The following NRP1 variants were observed in gnomAD, a reference collection of about 807,000 sequenced individuals.
NRP1 encodes neuropilin 1, also known as neuropilin-1.
NRP1 carries 35 observed loss-of-function variants against 106.7 expected under a neutral mutation model. The ratio of observed to expected loss-of-function variants is 0.33; its 90% confidence interval spans 0.25 to 0.43. The LOEUF (loss-of-function observed/expected upper bound fraction) is 0.43, where lower values mean the gene tolerates loss of function less well. Ranked by LOEUF, NRP1 falls within the 20% of genes least tolerant of loss-of-function variation. The probability of loss-of-function intolerance (pLI) is 1.00; values close to 1 mark genes in which losing one functional copy is unlikely to be tolerated. For synonymous variants in NRP1, 437 were observed against 417.9 expected (o/e 1.05, Z -0.56); for missense variants, 1,024 against 1,170.4 (o/e 0.87, Z 1.83).
intron 6 of NRP1, among the ~76,000 whole-genome samples, chr10:33,253,388 C>G (rs1284745643): frequency 6.6e-6 from 1 of 152,064 alleles, no homozygotes; most frequent in African/African-American, 2.4e-5. Context: ...AATGCCAGAA[C>G]AAAGCGAGGA....
chr10:33,271,066 A>C (rs1463852032), intron 2 of NRP1, among the ~76,000 whole-genome samples: 2 of 152,234 alleles, frequency 1.3e-5, no homozygotes, highest in South Asian at 2.1e-4. Flanking sequence ...ACATCTGGCA[A>C]CACACAACTA....
chr10:33,254,728 C>T (rs1480541748), intron 5 of NRP1, among the ~76,000 whole-genome samples: 1 of 152,162 alleles, frequency 6.6e-6, no homozygotes, highest in African/African-American at 2.4e-5. Context: ...TTATGCCCCA[C>T]CTCTGGCCTG....
At chr10:33,251,419 A>C (rs879711254) in intron 6 of NRP1, among the ~76,000 whole-genome samples, 1 of 151,502 alleles carries the variant, frequency 6.6e-6, no homozygotes, top group Admixed American at 6.6e-5. Context: ...GCCTTGGGGC[A>C]GGCAACATTT....
At chr10:33,323,051 G>A (rs1465185169) in intron 2 of NRP1, among the ~76,000 whole-genome samples, 1 of 151,966 alleles carries the variant, frequency 6.6e-6, no homozygotes, top group Non-Finnish European at 1.5e-5. Flanking sequence ...CCCATAATGG[G>A]CACATATTGA....
At chr10:33,236,294 T>C (rs1415998803) in intron 6 of NRP1, among the ~76,000 whole-genome samples, 1 of 152,226 alleles carries the variant, frequency 6.6e-6, no homozygotes, top group African/African-American at 2.4e-5. Flanking sequence ...GTCTCAAATA[T>C]GTATACATGG....
At chr10:33,287,959 G>T (rs1401238391) in intron 2 of NRP1, among the ~76,000 whole-genome samples, 1 of 152,200 alleles carries the variant, frequency 6.6e-6, no homozygotes, top group Admixed American at 6.5e-5. Context: ...TCTCAAGATA[G>T]AGTGTGAGCC....
intron 8 of NRP1, among the ~76,000 whole-genome samples, chr10:33,220,030 T>G (rs1314806678): frequency 6.6e-6 from 1 of 152,224 alleles, no homozygotes; most frequent in Non-Finnish European, 1.5e-5. Context: ...TTTCAAACCC[T>G]TCTCCACCCA....
chr10:33,194,467 T>C (rs1205199836), intron 12 of NRP1: 1 of 253,310 alleles, frequency 3.9e-6, no homozygotes, highest in African/African-American at 2.2e-5. Flanking sequence ...ATTCTGATGA[T>C]ACCATAAAAT....
intron 9 of NRP1, among the ~76,000 whole-genome samples, chr10:33,208,911 T>C (rs1222983064): frequency 7.1e-6 from 1 of 140,922 alleles, no homozygotes; most frequent in Middle Eastern, 3.3e-3. Context: ...TTTTTTTTTT[T>C]TTTTTTTTTT....
chr10:33,333,060 T>G (rs1848398688), intron 1 of NRP1, among the ~76,000 whole-genome samples: 1 of 152,206 alleles, frequency 6.6e-6, no homozygotes, highest in African/African-American at 2.4e-5. Flanking sequence ...CTCTTTCAGT[T>G]GGACGAGAAT....
At chr10:33,306,505 G>T (rs936574067) in intron 2 of NRP1, among the ~76,000 whole-genome samples, 3 of 152,132 alleles carry the variant, frequency 2.0e-5, no homozygotes, top group African/African-American at 4.8e-5. Context: ...GATTAAGACA[G>T]GCCAGGCAAC....
In NRP1 at chr10:33,180,319, G is replaced by A; in HGVS notation, c.2529C>T (p.Ile843=). 6.2e-7 allele frequency: 1 copy of A among 1,607,114 alleles called. No homozygotes were observed. The highest frequency in any genetic ancestry group is 8.5e-7 in the Non-Finnish European group (1 of 1,174,422). ...YEGEGEGDKN[I]SRKPGNVLKT... ...TCAACACATTGCCTGGCTTCCTGGA[G>A]ATGTTCTTGTCACCTTCTCCTTCAC... Residue 843 remains isoleucine (I), a synonymous_variant, in exon 17 of 17, where the codon ATC becomes ATT. Transcript: ENST00000374867.
At chr10:33,209,324 G>C (rs754433439) in intron 9 of NRP1, among the ~76,000 whole-genome samples, 2 of 152,238 alleles carry the variant, frequency 1.3e-5, no homozygotes, top group Non-Finnish European at 2.9e-5. Context: ...CAAGGAAACT[G>C]AGGCACAGAG....
chr10:33,274,884 C>A (rs541114975), intron 2 of NRP1, among the ~76,000 whole-genome samples: 140 of 152,250 alleles, frequency 9.2e-4, no homozygotes, highest in Non-Finnish European at 1.7e-3. Context: ...TTTTCACCAG[C>A]AAAAATGTGT....
chr10:33,179,600 A>C lies in NRP1; in HGVS notation c.*476T>G, dbSNP rs900725669. 6.2e-6 allele frequency: 1 copy of C among 161,808 alleles called. No individual in the cohort carries two copies. Among genetic ancestry groups the C allele is most frequent in the Non-Finnish European group, 1.4e-5 (1 of 73,592 alleles). 10.0% of individuals were successfully genotyped at this position (161,808 alleles called of 1,614,324 possible). A position where few individuals can be genotyped will look rare whatever the true frequency, so the allele number is the denominator to read the frequency against. On this transcript the variant is annotated 3_prime_UTR_variant, in exon 17 of 17. Transcript: ENST00000374867. ...TTCTTTGCCTATGCACGACGCGGGC[A>C]ATTATACACAAGTACAACTTCAGGA... is the stretch of plus-strand genomic sequence containing the variant.
chr10:33,327,813 T>C (rs1847996525), intron 2 of NRP1, among the ~76,000 whole-genome samples: 1 of 152,158 alleles, frequency 6.6e-6, no homozygotes, highest in Admixed American at 6.5e-5. Context: ...TTCATATGAA[T>C]CAGCTTAGAA....
intron 14 of NRP1, among the ~76,000 whole-genome samples, 156 bp downstream of exon 14, chr10:33,186,061 C>T (rs2132594845): frequency 6.6e-6 from 1 of 152,300 alleles, no homozygotes; most frequent in South Asian, 2.1e-4. Context: ...GTGAAATCTG[C>T]TATTAAGGTG....
At position 33,188,207 on chromosome 10, in the gene NRP1, C is replaced by G. The variant is rs551909900; in HGVS notation, c.2063-1719G>C. ...TCCCCTCAATCTTACGGAAAAAAGACTGAAATTGGCAATGCTGCTGCCATG... is the reference window on the plus strand; with the variant it reads ...TCCCCTCAATCTTACGGAAAAAAGAGTGAAATTGGCAATGCTGCTGCCATG... On this transcript the variant is annotated intron_variant, in intron 13 of 16. Transcript: ENST00000374867. Among the ~76,000 whole-genome samples, 27 of 152,234 alleles carry G rather than the reference C, an allele frequency of 1.8e-4. No homozygotes were observed. The South Asian group carries it at 5.2e-3, about 29-fold the overall frequency.
intron 11 of NRP1, among the ~76,000 whole-genome samples, chr10:33,200,821 T>C (rs759561572): frequency 2.3e-4 from 35 of 152,304 alleles, no homozygotes; most frequent in Admixed American, 5.2e-4. Context: ...GCAAATGGTT[T>C]TGTAAAGTAA....
Sources: gnomAD v4.1 joint callset for allele counts (sites outside exome capture counted in the v4.1 genomes callset) on GRCh38, gnomAD v4.1.1 for gene constraint, MANE v1.5 for transcripts, NCBI Gene and HGNC (gene_info 2026-07-23, HGNC 2026-07-21) for gene names.